KIF26B: variants seen among roughly 807,000 people sequenced by gnomAD.
The protein encoded by KIF26B is kinesin-like protein KIF26B.
Under a neutral mutation model 151.2 loss-of-function variants are expected in KIF26B, and 63 were observed. The observed-to-expected ratio is 0.42, with a 90% CI of 0.34 to 0.51. The LOEUF (loss-of-function observed/expected upper bound fraction) is 0.51, where lower values mean the gene tolerates loss of function less well. Ranked by LOEUF, KIF26B falls within the 20% of genes least tolerant of loss-of-function variation. The pLI is 0.07. For missense variants in KIF26B, 2,813 were observed against 2,913.6 expected, an observed-to-expected ratio of 0.97 and a Z score of 0.79; for synonymous variants, 1,357 against 1,262.1, an observed-to-expected ratio of 1.08 and a Z score of -1.59.
At chr1:245,378,788 C>T (rs938348978) in intron 3 of KIF26B, among the ~76,000 whole-genome samples, 1 of 152,182 alleles carries the variant, frequency 6.6e-6, no homozygotes, top group African/African-American at 2.4e-5. Context: ...ATTTGCTGCT[C>T]ATGCACCAGA....
At chr1:245,265,634 C>CT (rs978921890) in intron 2 of KIF26B, among the ~76,000 whole-genome samples, 1 of 149,824 alleles carries the variant, frequency 6.7e-6, no homozygotes, top group Non-Finnish European at 1.5e-5. Context: ...GTCACCCAGG[C>CT]TGGAGTGTAG....
intron 5 of KIF26B, among the ~76,000 whole-genome samples, chr1:245,582,878 A>C (rs926801938): frequency 6.6e-5 from 10 of 152,130 alleles, no homozygotes; most frequent in Admixed American, 6.5e-5. Context: ...TGCTGAATTT[A>C]AACCAATGCA....
At chr1:245,683,631 T>C (rs1277892517) in intron 10 of KIF26B, among the ~76,000 whole-genome samples, 2 of 152,172 alleles carry the variant, frequency 1.3e-5, no homozygotes, top group Non-Finnish European at 2.9e-5. Context: ...GCTGGGCCTC[T>C]CTCTGTGTTT....
chr1:245,651,151 T>C lies in KIF26B; in HGVS notation c.2258+4871T>C, dbSNP rs1237114462. Among the ~76,000 whole-genome samples, 3 of 152,304 alleles carry C rather than the reference T, an allele frequency of 2.0e-5. No homozygotes were observed. In the East Asian group the frequency reaches 5.8e-4, roughly 29 times the overall value. On this transcript the variant is annotated intron_variant, in intron 10 of 14. Transcript: ENST00000407071. ...CATCCTCAGGGGCTATAATGGGAAC[T>C]CTTTTCCTCCTAAGGCCCTAGTGAG...
intron 2 of KIF26B, among the ~76,000 whole-genome samples, chr1:245,322,976 C>G (rs1233181570): frequency 6.6e-6 from 1 of 152,174 alleles, no homozygotes; most frequent in Non-Finnish European, 1.5e-5. Context: ...CTTATTGATA[C>G]TATATTTGGG....
intron 2 of KIF26B, among the ~76,000 whole-genome samples, chr1:245,264,901 CA>C (rs909538216): frequency 7.5e-6 from 1 of 134,136 alleles, no homozygotes; most frequent in Non-Finnish European, 1.6e-5. Flanking sequence ...TCAAAAAAAA[CA>C]AAAAAAAAGA....
chr1:245,207,352 T>A (rs1419879059), intron 2 of KIF26B, among the ~76,000 whole-genome samples: 2 of 152,152 alleles, frequency 1.3e-5, no homozygotes, highest in Admixed American at 1.3e-4. Flanking sequence ...TACTGCTGTG[T>A]CCTGCCTCCA....
chr1:245,267,995 A>C (rs923994501), intron 2 of KIF26B, among the ~76,000 whole-genome samples: 2 of 152,134 alleles, frequency 1.3e-5, no homozygotes, highest in African/African-American at 4.8e-5. Context: ...AAGATCCTTA[A>C]AGACTGGCAA....
intron 3 of KIF26B, among the ~76,000 whole-genome samples, chr1:245,407,294 C>G (rs540180902): frequency 1.3e-5 from 2 of 152,276 alleles, no homozygotes; most frequent in African/African-American, 4.8e-5. Context: ...AACCTGTATT[C>G]CTATGATTAC....
rs1399002771 is a variant in KIF26B at position 245,702,190 on chromosome 1, G to GAGGT, written c.6179-264_6179-261dup. 6.6e-6 allele frequency among the ~76,000 whole-genome samples: 1 copy of GAGGT among 152,196 alleles called. No individual in the cohort carries two copies. The highest frequency in any genetic ancestry group is 1.5e-5 in the Non-Finnish European group (1 of 68,030). On this transcript the variant is annotated intron_variant, in intron 14 of 14. Coordinates refer to ENST00000407071, the MANE Select transcript of KIF26B (RefSeq NM_018012.4). The surrounding 1 kb of genome is among the most constrained non-coding windows in gnomAD (Gnocchi z 4.1). ...ATCCATCCTGGATCCTCCATGGCTGGAGGTAGGGGGAGCTAGAATGTCACC... is the reference window on the plus strand; with the variant it reads ...ATCCATCCTGGATCCTCCATGGCTGGAGGTAGGTAGGGGGAGCTAGAATGTCACC...
intron 9 of KIF26B, among the ~76,000 whole-genome samples, chr1:245,640,259 T>G (rs1229797998): frequency 6.6e-6 from 1 of 150,816 alleles, no homozygotes; most frequent in Non-Finnish European, 1.5e-5. Flanking sequence ...TGTTTCTTTA[T>G]ATAGTTTTTC....
chr1:245,156,436 C>A lies in KIF26B; in HGVS notation c.218C>A (p.Ser73Ter). 1 of 1,527,450 alleles carries A rather than the reference C, an allele frequency of 6.5e-7. No homozygotes were observed. The highest frequency in any genetic ancestry group is 8.8e-7 in the Non-Finnish European group (1 of 1,140,780). 94.6% of individuals were successfully genotyped at this position (1,527,450 alleles called of 1,614,324 possible). Residue 73 changes from serine (S) to a stop codon, truncating the protein, a stop_gained, in exon 2 of 15, where the codon TCG becomes TAG. Coordinates refer to ENST00000407071, the MANE Select transcript of KIF26B (RefSeq NM_018012.4). LOFTEE classifies it high-confidence loss of function. ...LGSSGTPSPGSGTSSPSSFTG... is the reference protein window; with the variant it reads ...LGSSGTPSPG The stretch of plus-strand genomic sequence containing the variant: ...TCCTCGGGGACCCCGTCTCCCGGCT[C>A]GGGCACCTCGTCCCCGAGCTCGTTC...
chr1:245,392,692 G>C (rs1454023535), intron 3 of KIF26B, among the ~76,000 whole-genome samples: 1 of 152,290 alleles, frequency 6.6e-6, no homozygotes, highest in African/African-American at 2.4e-5. Context: ...ATGTCACAGG[G>C]ATGTCTTTTG....
intron 3 of KIF26B, among the ~76,000 whole-genome samples, chr1:245,373,843 T>C (rs1464143379): frequency 6.6e-6 from 1 of 151,316 alleles, no homozygotes; most frequent in African/African-American, 2.4e-5. Context: ...GAGAACTGCT[T>C]GAGGCCAGGA....
intron 2 of KIF26B, among the ~76,000 whole-genome samples, chr1:245,329,633 C>G (rs1306906030): frequency 2.0e-5 from 3 of 152,196 alleles, no homozygotes; most frequent in African/African-American, 4.8e-5. Flanking sequence ...TTCACTCACT[C>G]ACCATTCACT....
At chr1:245,340,053 C>A (rs1046155222) in intron 2 of KIF26B, among the ~76,000 whole-genome samples, 1 of 152,138 alleles carries the variant, frequency 6.6e-6, no homozygotes, top group African/African-American at 2.4e-5. Flanking sequence ...TCTTACTGTC[C>A]TTATCACTAC....
chr1:245,551,196 C>A (rs1229744016), intron 5 of KIF26B, among the ~76,000 whole-genome samples: 2 of 152,162 alleles, frequency 1.3e-5, no homozygotes, highest in East Asian at 1.9e-4. Context: ...CATTAGCCAC[C>A]ATGCCCTGCT....
intron 2 of KIF26B, among the ~76,000 whole-genome samples, chr1:245,222,115 C>T (rs1669786160): frequency 6.6e-6 from 1 of 152,108 alleles, no homozygotes; most frequent in East Asian, 1.9e-4. Context: ...TATCACATGC[C>T]AACTTAGTGA....
intron 3 of KIF26B, among the ~76,000 whole-genome samples, chr1:245,392,106 T>C (rs115125726): frequency 5.3e-4 from 80 of 150,482 alleles, no homozygotes; most frequent in African/African-American, 1.9e-3. Context: ...AAGGAAGAGC[T>C]CTCTGGGGCT....
Sources: gnomAD v4.1 joint callset for allele counts (sites outside exome capture counted in the v4.1 genomes callset) on GRCh38, gnomAD v4.1.1 for gene constraint, Gnocchi (gnomAD v3.1) non-coding constraint, MANE v1.5 for transcripts, NCBI Gene and HGNC (gene_info 2026-07-23, HGNC 2026-07-21) for gene names.